The following DTNB variants were observed in gnomAD, a reference collection of about 807,000 sequenced individuals.
DTNB encodes the protein dystrobrevin beta.
DTNB carries 63 observed loss-of-function variants against 90.7 expected under a neutral mutation model. The ratio of observed to expected loss-of-function variants is 0.69; its 90% confidence interval spans 0.57 to 0.86. The LOEUF (loss-of-function observed/expected upper bound fraction) is 0.86, where lower values mean the gene tolerates loss of function less well. DTNB is among the 40% of genes least tolerant of loss of function. DTNB has a pLI of 0.00. For synonymous variants in DTNB, 277 were observed against 286.7 expected (o/e 0.97, Z 0.34); for missense variants, 744 against 807.1 (o/e 0.92, Z 0.95).
intron 9 of DTNB, among the ~76,000 whole-genome samples, chr2:25,504,511 G>A (rs145069332): frequency 6.8e-6 from 1 of 146,252 alleles, no homozygotes. Flanking sequence ...AGAAGGAAAG[G>A]CAAGAAAGAA....
intron 5 of DTNB, 67 bp from the exon 6 acceptor site, chr2:25,596,307 G>A (rs2064622560): frequency 1.3e-6 from 2 of 1,483,152 alleles, no homozygotes; most frequent in Non-Finnish European, 1.8e-6. Context: ...ATGGCTCTAT[G>A]TCATTTGTAT....
At chr2:25,635,954 G>T (rs2077039572) in intron 3 of DTNB, among the ~76,000 whole-genome samples, 2 of 152,110 alleles carry the variant, frequency 1.3e-5, no homozygotes, top group South Asian at 4.1e-4. Flanking sequence ...ACACAAGAGG[G>T]TCAAAAAGCA....
intron 8 of DTNB, among the ~76,000 whole-genome samples, chr2:25,544,107 G>A (rs575799094): frequency 5.3e-5 from 8 of 152,296 alleles, no homozygotes; most frequent in African/African-American, 1.7e-4. Flanking sequence ...ACAGGCACCC[G>A]CAGCCCAGCG....
chr2:25,427,666 C>A (rs1427424225), intron 14 of DTNB, 35 bp from the exon 15 acceptor site: 3 of 1,601,074 alleles, frequency 1.9e-6, no homozygotes, highest in Non-Finnish European at 2.6e-6. Flanking sequence ...GATAAAGAGA[C>A]CCTCAAAGAT....
chr2:25,383,386 T>C (rs555320089), intron 19 of DTNB, among the ~76,000 whole-genome samples: 1 of 152,096 alleles, frequency 6.6e-6, no homozygotes, highest in Non-Finnish European at 1.5e-5. Flanking sequence ...CTGGCTAATT[T>C]TTTGTATTTT....
intron 8 of DTNB, among the ~76,000 whole-genome samples, chr2:25,546,167 C>T (rs1370523134): frequency 6.6e-6 from 1 of 152,146 alleles, no homozygotes; most frequent in African/African-American, 2.4e-5. Context: ...CAAACATCAA[C>T]CAATCAGAAC....
chr2:25,524,197 G>A (rs1415580566), intron 9 of DTNB, among the ~76,000 whole-genome samples: 1 of 151,846 alleles, frequency 6.6e-6, no homozygotes, highest in African/African-American at 2.4e-5. Context: ...CACCGTGCCC[G>A]GCCCTTCTGT....
At chr2:25,672,092 A>C (rs1012697916) in intron 1 of DTNB, among the ~76,000 whole-genome samples, 17 of 152,108 alleles carry the variant, frequency 1.1e-4, no homozygotes, top group Admixed American at 5.2e-4. Context: ...TTGAAGGCCA[A>C]CATGAAAGAC....
intron 10 of DTNB, among the ~76,000 whole-genome samples, chr2:25,467,027 C>G (rs1432680316): frequency 6.6e-6 from 1 of 152,136 alleles, no homozygotes; most frequent in African/African-American, 2.4e-5. Flanking sequence ...TGGAGATAGT[C>G]CTTCTACCAG....
chr2:25,585,398 A>C (rs527834316), intron 6 of DTNB, among the ~76,000 whole-genome samples: 62 of 152,288 alleles, frequency 4.1e-4, no homozygotes, highest in African/African-American at 1.4e-3. Context: ...TGCTTTTATC[A>C]CTGTATGCAG....
At chr2:25,521,173 G>A (rs754602694) in intron 9 of DTNB, among the ~76,000 whole-genome samples, 9 of 152,068 alleles carry the variant, frequency 5.9e-5, no homozygotes, top group Non-Finnish European at 1.0e-4. Flanking sequence ...TCAGAAAAAA[G>A]AGTCTAAAGA....
intron 8 of DTNB, among the ~76,000 whole-genome samples, chr2:25,537,017 A>AG (rs1229418741): frequency 6.6e-6 from 1 of 152,152 alleles, no homozygotes; most frequent in East Asian, 1.9e-4. Context: ...CTGGGATTAC[A>AG]GGCATGAGCC....
chr2:25,607,711 C>A (rs1019587093), intron 4 of DTNB, among the ~76,000 whole-genome samples: 3 of 152,160 alleles, frequency 2.0e-5, no homozygotes, highest in Non-Finnish European at 4.4e-5. Context: ...CATAACCTTA[C>A]ATCAGGATAT....
At chr2:25,552,841 A>ATATTTTTTTTTTTT (rs1559000907) in intron 8 of DTNB, among the ~76,000 whole-genome samples, 1 of 86,036 alleles carries the variant, frequency 1.2e-5, no homozygotes. Context: ...TCTCTTTTTG[A>ATATTTTTTTTTTTT]TTTTTTTTTT....
chr2:25,395,771 T>C (rs2042215843), intron 16 of DTNB, among the ~76,000 whole-genome samples: 2 of 152,170 alleles, frequency 1.3e-5, no homozygotes, highest in South Asian at 2.1e-4. Flanking sequence ...TAAAAATTTA[T>C]GTTGTGAAGA....
chr2:25,616,398 T>C (rs2070520705), intron 4 of DTNB, among the ~76,000 whole-genome samples: 1 of 152,310 alleles, frequency 6.6e-6, no homozygotes, highest in Non-Finnish European at 1.5e-5. Context: ...TACAACACTT[T>C]GCATCCTTAT....
rs540094105 is a variant in DTNB, at chr2:25,661,111, T to C, written c.-1-8450A>G. Among the ~76,000 whole-genome samples the C allele has an allele frequency of 9.2e-5, 14 of 152,346 alleles. No homozygotes were observed. In the East Asian group the frequency reaches 1.7e-3, roughly 19 times the overall value. ...TGTTTCCTTTTCTGTGAGGTGCCTG[T>C]TTATGTCTTTTGCAATTAAGCTTTT... On this transcript the variant is annotated intron_variant, in intron 1 of 20. Transcript: ENST00000406818.
chr2:25,631,013 A>T (rs1417721271), intron 3 of DTNB, among the ~76,000 whole-genome samples: 1 of 151,962 alleles, frequency 6.6e-6, no homozygotes, highest in South Asian at 2.1e-4. Flanking sequence ...CAAATCCATT[A>T]AAAAAAAGTA....
At chr2:25,392,955 C>T (rs1449746518) in intron 16 of DTNB, among the ~76,000 whole-genome samples, 2 of 152,114 alleles carry the variant, frequency 1.3e-5, no homozygotes, top group Non-Finnish European at 2.9e-5. Context: ...AAGAAAGCTA[C>T]AGACCAATAT....
Sources: gnomAD v4.1 joint callset for allele counts (sites outside exome capture counted in the v4.1 genomes callset) on GRCh38, gnomAD v4.1.1 for gene constraint, MANE v1.5 for transcripts, NCBI Gene and HGNC (gene_info 2026-07-23, HGNC 2026-07-21) for gene names.